Variants in VWA2 observed in about 807,000 individuals in gnomAD.
VWA2 encodes von Willebrand factor A domain containing 2, also known as von Willebrand factor A domain-containing protein 2.
Under a neutral mutation model 70.4 loss-of-function variants are expected in VWA2, and 73 were observed. That is an observed-to-expected ratio of 1.04 (90% CI 0.86 to 1.26). VWA2 has a LOEUF of 1.26. VWA2 is among the 50% of genes most tolerant of loss of function. The pLI is 0.00. For missense variants in VWA2, 1,011 were observed against 998.5 expected, an observed-to-expected ratio of 1.01 and a Z score of -0.17; for synonymous variants, 407 against 423.3, an observed-to-expected ratio of 0.96 and a Z score of 0.47.
chr10:114,251,166 A>G (rs71484936), intron 2 of VWA2, among the ~76,000 whole-genome samples: 10,650 of 152,336 alleles, frequency 0.07, 514 homozygotes, highest in Middle Eastern at 0.14. Flanking sequence ...CAATAGCGTC[A>G]CCCATCCTGC....
intron 5 of VWA2, among the ~76,000 whole-genome samples, chr10:114,270,831 C>G (rs1025760202): frequency 6.6e-6 from 1 of 152,118 alleles, no homozygotes; most frequent in Admixed American, 6.5e-5. Context: ...TTGGTATGCT[C>G]TGTTTTTCTT....
rs765503243 is a variant in VWA2 at position 114,278,754 on chromosome 10, A to G, written c.736A>G (p.Thr246Ala). 1 of 1,613,930 alleles carries G rather than the reference A, an allele frequency of 6.2e-7. No homozygotes were observed. The highest frequency in any genetic ancestry group is 1.3e-5 in the African/African-American group (1 of 75,030). ...RVEAHPCEHR[T>A]LEMVREFAGN... Reference sequence around the variant, plus strand: ...CGAGGCTCACCCCTGTGAGCACAGGACGCTGGAGATGGTCCGGGAGTTCGC... The same window carrying G: ...CGAGGCTCACCCCTGTGAGCACAGGGCGCTGGAGATGGTCCGGGAGTTCGC... The change falls in exon 8 of 14, where the codon ACG becomes GCG. Residue 246 changes from threonine to alanine, a missense_variant. Coordinates refer to ENST00000392982, the MANE Select transcript of VWA2 (RefSeq NM_001272046.2).
chr10:114,250,448 G>T (rs1023897582), intron 2 of VWA2, among the ~76,000 whole-genome samples: 2 of 152,190 alleles, frequency 1.3e-5, no homozygotes, highest in African/African-American at 2.4e-5. Flanking sequence ...AGGTGGACTG[G>T]GCGGCCAAGC....
intron 1 of VWA2, among the ~76,000 whole-genome samples, chr10:114,241,889 C>T (rs2036979962): frequency 6.7e-6 from 1 of 148,758 alleles, no homozygotes; most frequent in Non-Finnish European, 1.5e-5. Context: ...TATTTTAAAA[C>T]AAATCCCACC....
chr10:114,281,474 C>T (rs545646373), intron 8 of VWA2, among the ~76,000 whole-genome samples: 1 of 152,206 alleles, frequency 6.6e-6, no homozygotes, highest in Non-Finnish European at 1.5e-5. Flanking sequence ...GAACCCATTT[C>T]CCTATCTGGA....
intron 5 of VWA2, among the ~76,000 whole-genome samples, chr10:114,269,229 T>C (rs551910073): frequency 6.6e-5 from 10 of 152,278 alleles, no homozygotes; most frequent in African/African-American, 2.2e-4. Flanking sequence ...TCCCTGAAAC[T>C]TAATTTCTCT....
intron 1 of VWA2, among the ~76,000 whole-genome samples, chr10:114,245,864 CATTTGTTTTATAATA>C: frequency 6.6e-6 from 1 of 152,174 alleles, no homozygotes; most frequent in Non-Finnish European, 1.5e-5. Context: ...CTGGCAGGGA[CATTTGTTTTATAATA>C]GTTTGTTTTA....
chr10:114,290,282 T>C lies in VWA2; in HGVS notation c.2165T>C (p.Met722Thr), dbSNP rs2039443959. ...AACCTCTGCAAACCCAGCCCGTGCA[T>C]GAATGAGGGCAGCTGCGTCCTGCAG... The part of the protein sequence containing the change: ...PVNLCKPSPC[M>T]NEGSCVLQNG... Residue 722 changes from methionine to threonine, a missense_variant, in exon 13 of 14, where the codon ATG (methionine) becomes ACG (threonine). Coordinates refer to ENST00000392982, the MANE Select transcript of VWA2 (RefSeq NM_001272046.2). The C allele has an allele frequency of 3.2e-6, 5 of 1,550,430 alleles. No homozygotes were observed. Among genetic ancestry groups the C allele is most frequent in the Admixed American group, 3.9e-5 (2 of 50,964 alleles).
chr10:114,282,666 G>C, intron 9 of VWA2, 95 bp downstream of exon 9: 1 of 1,094,456 alleles, frequency 9.1e-7, no homozygotes, highest in Non-Finnish European at 1.4e-6. Flanking sequence ...CAGAGGGTGG[G>C]GTTGTGACTG....
chr10:114,246,606 T>C, intron 1 of VWA2: 1 of 1,409,090 alleles, frequency 7.1e-7, no homozygotes, highest in Non-Finnish European at 1.0e-6. Context: ...TGAAGCATAA[T>C]CCCAGCCAGA....
chr10:114,263,205 G>C (rs887340555), intron 5 of VWA2, among the ~76,000 whole-genome samples: 28 of 152,150 alleles, frequency 1.8e-4, no homozygotes, highest in African/African-American at 6.8e-4. Context: ...TGTAGAGATG[G>C]GGTTTCCCCA....
rs112771171 is a variant in VWA2 at position 114,290,276 on chromosome 10, C to T, written c.2159C>T (p.Pro720Leu). The T allele has an allele frequency of 1.2e-4, 189 of 1,550,428 alleles. No individual in the cohort carries two copies. Among genetic ancestry groups the T allele is most frequent in the Admixed American group, 1.6e-4 (8 of 50,978 alleles). Reference sequence around the variant, plus strand: ...CCAGTCAACCTCTGCAAACCCAGCCCGTGCATGAATGAGGGCAGCTGCGTC... The same window carrying T: ...CCAGTCAACCTCTGCAAACCCAGCCTGTGCATGAATGAGGGCAGCTGCGTC... ...KQPVNLCKPSPCMNEGSCVLQ... is the reference protein window; with the variant it reads ...KQPVNLCKPSLCMNEGSCVLQ... Residue 720 changes from proline (P) to leucine (L), a missense_variant, in exon 13 of 14, where the codon CCG (proline) becomes CTG (leucine). Physicochemically the swap from Pro to Leu is moderately conservative, Grantham distance 98 (BLOSUM62 -3). Transcript: ENST00000392982.
intron 1 of VWA2, among the ~76,000 whole-genome samples, chr10:114,240,512 C>A (rs959655573): frequency 1.3e-5 from 2 of 152,204 alleles, no homozygotes; most frequent in African/African-American, 4.8e-5. Context: ...ATAATTAGAA[C>A]GTGTACATTT....
At chr10:114,265,330 G>T (rs1273454422) in intron 5 of VWA2, among the ~76,000 whole-genome samples, 1 of 152,186 alleles carries the variant, frequency 6.6e-6, no homozygotes, top group Non-Finnish European at 1.5e-5. Context: ...AAGGCTGTTG[G>T]TTTAAGTTTA....
chr10:114,272,472 C>G (rs894583625), intron 5 of VWA2, among the ~76,000 whole-genome samples: 1 of 152,084 alleles, frequency 6.6e-6, no homozygotes, highest in Non-Finnish European at 1.5e-5. Flanking sequence ...AGTCATCACT[C>G]GGGGAGGAGA....
chr10:114,284,728 C>T, intron 9 of VWA2, 135 bp from the exon 10 acceptor site: 1 of 780,078 alleles, frequency 1.3e-6, no homozygotes, highest in Non-Finnish European at 2.0e-6. Context: ...CTGCAGATTT[C>T]CTGGTGGACT....
intron 2 of VWA2, among the ~76,000 whole-genome samples, chr10:114,251,920 C>A (rs2037205438): frequency 6.7e-6 from 1 of 149,792 alleles, no homozygotes. Flanking sequence ...CTCCCGGGTT[C>A]AAGTGATTCA....
At chr10:114,274,638 G>A (rs1480399455) in intron 6 of VWA2, among the ~76,000 whole-genome samples, 1 of 151,344 alleles carries the variant, frequency 6.6e-6, no homozygotes, top group Non-Finnish European at 1.5e-5. Context: ...CCACACCTGT[G>A]CACGCCACCA....
rs1305527204 is a variant in VWA2 at position 114,289,215 on chromosome 10, C to T, written c.1848C>T (p.His616=). ...GVGSAGTALL[H]IYDKVMTVQR... ...GCTCAGCCGGCACCGCCCTGCTGCACATCTATGACAAAGTGATGACCGTCC... is the reference window on the plus strand; with the variant it reads ...GCTCAGCCGGCACCGCCCTGCTGCATATCTATGACAAAGTGATGACCGTCC... Residue 616 remains histidine (H), a synonymous_variant, in exon 12 of 14, where the codon CAC becomes CAT. Transcript: ENST00000392982. 1.9e-6 allele frequency: 3 copies of T among 1,613,798 alleles called. No individual in the cohort carries two copies. Among genetic ancestry groups the T allele is most frequent in the African/African-American group, 1.3e-5 (1 of 75,068 alleles).
Sources: allele counts gnomAD v4.1 joint callset (sites outside exome capture counted in the v4.1 genomes callset), GRCh38; gene constraint gnomAD v4.1.1; transcripts MANE v1.5; gene names NCBI Gene and HGNC (gene_info 2026-07-23, HGNC 2026-07-21).